Variants in CCBE1 observed in about 807,000 individuals in gnomAD.
The protein encoded by CCBE1 is collagen and calcium-binding EGF domain-containing protein 1.
CCBE1 carries 37 observed loss-of-function variants against 50.0 expected under a neutral mutation model. The observed-to-expected ratio is 0.74, with a 90% CI of 0.57 to 0.97. CCBE1 has a LOEUF of 0.97. Among genes scored for constraint, CCBE1 ranks in the 50% least tolerant of loss-of-function variants. CCBE1 has a pLI of 0.00. For synonymous variants in CCBE1, 234 were observed against 203.7 expected (o/e 1.15, Z -1.27); for missense variants, 538 against 523.8 (o/e 1.03, Z -0.26).
intron 2 of CCBE1, among the ~76,000 whole-genome samples, chr18:59,496,801 G>A (rs796784341): frequency 2.6e-5 from 4 of 152,290 alleles, no homozygotes; most frequent in African/African-American, 9.6e-5. Flanking sequence ...TCCCTGCTGA[G>A]TGGTCACATA....
In CCBE1 at chr18:59,658,388, T is replaced by A. The variant is rs1280233857; in HGVS notation, c.212+38241A>T. On this transcript the variant is annotated intron_variant, in intron 2 of 10. Transcript: ENST00000439986. ...ATATATATATATATATATATATATA[T>A]ATATATATATATATATATATATATA... is the stretch of plus-strand genomic sequence containing the variant. 3.1e-4 allele frequency among the ~76,000 whole-genome samples: 9 copies of A among 28,954 alleles called. 1 individual carries two copies. The East Asian group carries it at 5.7e-3, about 18-fold the overall frequency. The allele number at this position is 28,954 out of a possible 152,430, so 19.0% of individuals were successfully genotyped here. A position where few individuals can be genotyped will look rare whatever the true frequency, so the allele number is the denominator to read the frequency against.
intron 2 of CCBE1, among the ~76,000 whole-genome samples, chr18:59,666,693 G>C (rs938041958): frequency 6.6e-6 from 1 of 152,144 alleles, no homozygotes. Context: ...GAGACTGGGC[G>C]TGGTGGCTCA....
intron 2 of CCBE1, among the ~76,000 whole-genome samples, chr18:59,522,847 CCGGGCGTGGTGG>C (rs977739687): frequency 2.0e-5 from 3 of 151,812 alleles, no homozygotes; most frequent in African/African-American, 7.3e-5. Flanking sequence ...AAAAAATTAG[CCGGGCGTGGTGG>C]CGGGCGCCTG....
intron 2 of CCBE1, among the ~76,000 whole-genome samples, chr18:59,638,964 G>C (rs9952119): frequency 0.032 from 4,857 of 152,238 alleles, 264 homozygotes; most frequent in African/African-American, 0.11. Context: ...TTAACCTTTA[G>C]ATTGGATTAC....
chr18:59,625,430 C>CAAAAAG (rs1555699747), intron 2 of CCBE1, among the ~76,000 whole-genome samples: 4 of 69,920 alleles, frequency 5.7e-5, no homozygotes, highest in African/African-American at 2.4e-4. Flanking sequence ...GATTCTGTCT[C>CAAAAAG]AAAAAAAAAA....
intron 2 of CCBE1, among the ~76,000 whole-genome samples, chr18:59,490,386 C>T (rs886699229): frequency 9.2e-6 from 1 of 109,012 alleles, no homozygotes; most frequent in Non-Finnish European, 1.8e-5. Context: ...GGATATTCCC[C>T]CTTTTTTTTT....
intron 2 of CCBE1, among the ~76,000 whole-genome samples, chr18:59,556,600 T>C (rs55998001): frequency 0.019 from 2,913 of 152,290 alleles, 39 homozygotes; most frequent in Non-Finnish European, 0.032. Context: ...CAATGACCTG[T>C]GTGACCGAAT....
At chr18:59,615,966 G>A (rs551783051) in intron 2 of CCBE1, among the ~76,000 whole-genome samples, 3 of 152,190 alleles carry the variant, frequency 2.0e-5, no homozygotes, top group African/African-American at 7.2e-5. Flanking sequence ...GCCATATTGG[G>A]ATCAAGAGGA....
chr18:59,557,944 T>C (rs1292268954), intron 2 of CCBE1, among the ~76,000 whole-genome samples: 2 of 152,230 alleles, frequency 1.3e-5, no homozygotes, highest in Non-Finnish European at 2.9e-5. Flanking sequence ...GTTTTGTTTT[T>C]GATGACCATG....
chr18:59,506,607 C>A (rs537126723), intron 2 of CCBE1, among the ~76,000 whole-genome samples: 1 of 152,310 alleles, frequency 6.6e-6, no homozygotes, highest in South Asian at 2.1e-4. Flanking sequence ...CCTGATATAC[C>A]TGTGTCCCAA....
chr18:59,488,259 C>T (rs1437851897), intron 2 of CCBE1, among the ~76,000 whole-genome samples: 4 of 152,030 alleles, frequency 2.6e-5, no homozygotes, highest in South Asian at 2.1e-4. Flanking sequence ...ATTCTGGAGA[C>T]GGATGGTGGT....
intron 10 of CCBE1, among the ~76,000 whole-genome samples, chr18:59,436,364 C>A (rs778264672): frequency 2.4e-4 from 37 of 152,194 alleles, no homozygotes; most frequent in Non-Finnish European, 8.8e-5. Context: ...CCTTTCCTCC[C>A]TCCTAACGCT....
At chr18:59,442,737 T>A (rs1910491000) in intron 7 of CCBE1, among the ~76,000 whole-genome samples, 1 of 151,758 alleles carries the variant, frequency 6.6e-6, no homozygotes, top group Admixed American at 6.6e-5. Flanking sequence ...CAAAAATAAA[T>A]AAATAAATAA....
chr18:59,693,519 A>T (rs75136447), intron 2 of CCBE1, among the ~76,000 whole-genome samples: 5,532 of 152,248 alleles, frequency 0.036, 185 homozygotes, highest in African/African-American at 0.088. Flanking sequence ...AACATGGTTA[A>T]ATCTTCTTTT....
At position 59,578,787 on chromosome 18, in the gene CCBE1, A is replaced by G. The variant is rs185357869; in HGVS notation, c.213-98549T>C. ...CACAAGGAGGGGAGTATCACACACC[A>G]GGGCCCGTCAGGGCTGGGGGTGGCT... is the stretch of plus-strand genomic sequence containing the variant. On this transcript the variant is annotated intron_variant, in intron 2 of 10. Transcript: ENST00000439986. Among the ~76,000 whole-genome samples the G allele has an allele frequency of 3.3e-4, 51 of 152,296 alleles. No homozygotes were observed. The East Asian group carries it at 9.5e-3, about 28-fold the overall frequency.
At chr18:59,546,698 T>C (rs1260465705) in intron 2 of CCBE1, among the ~76,000 whole-genome samples, 2 of 152,240 alleles carry the variant, frequency 1.3e-5, no homozygotes, top group African/African-American at 2.4e-5. Flanking sequence ...ACATTATATC[T>C]GGTAAATATT....
Position 59,479,806 on chromosome 18 carries a change from T to C in CCBE1, c.265+380A>G, listed in dbSNP as rs148414686. Among the ~76,000 whole-genome samples the C allele has an allele frequency of 4.9e-3, 741 of 152,324 alleles. 6 individuals are homozygous for C. The highest frequency in any genetic ancestry group is 0.017 in the African/African-American group (706 of 41,580). ...CAGGTACTGTTTGCTGATGGTCATG[T>C]AAAGGGACTTAAAGTTTAGCAGGTG... On this transcript the variant is annotated intron_variant, in intron 3 of 10. Coordinates refer to ENST00000439986, the MANE Select transcript of CCBE1 (RefSeq NM_133459.4).
intron 2 of CCBE1, among the ~76,000 whole-genome samples, chr18:59,580,546 G>A (rs1013741784): frequency 1.3e-5 from 2 of 152,154 alleles, no homozygotes; most frequent in African/African-American, 4.8e-5. Flanking sequence ...CAGATATTCA[G>A]GGATCAGAAT....
At chr18:59,545,532 A>G (rs1232087616) in intron 2 of CCBE1, among the ~76,000 whole-genome samples, 1 of 152,224 alleles carries the variant, frequency 6.6e-6, no homozygotes, top group African/African-American at 2.4e-5. Context: ...ATTTACTAGT[A>G]TAGATTTATC....
Sources: allele counts gnomAD v4.1 joint callset (sites outside exome capture counted in the v4.1 genomes callset), GRCh38; gene constraint gnomAD v4.1.1; transcripts MANE v1.5; gene names NCBI Gene and HGNC (gene_info 2026-07-23, HGNC 2026-07-21).